Variants in GNB5 observed in about 807,000 individuals in gnomAD.
GNB5 encodes guanine nucleotide-binding protein subunit beta-5.
In GNB5, 37 loss-of-function variants were observed where a neutral mutation model predicts 55.3. The ratio of observed to expected loss-of-function variants is 0.67; its 90% confidence interval spans 0.51 to 0.88. The LOEUF (loss-of-function observed/expected upper bound fraction) is 0.88, where lower values mean the gene tolerates loss of function less well. Ranked by LOEUF, GNB5 falls within the 40% of genes least tolerant of loss-of-function variation. The pLI is 0.00. For synonymous variants in GNB5, 219 were observed against 198.5 expected (o/e 1.10, Z -0.87); for missense variants, 476 against 515.3 (o/e 0.92, Z 0.74).
chr15:52,179,098 G>A (rs1376491808), intron 3 of GNB5, among the ~76,000 whole-genome samples: 1 of 152,190 alleles, frequency 6.6e-6, no homozygotes, highest in Non-Finnish European at 1.5e-5. Context: ...GGTGGTGGTG[G>A]TGAAGAATGC....
Position 52,117,767 on chromosome 15 carries a change from C to T in GNB5, c.*4990G>A, listed in dbSNP as rs2033174803. On this transcript the variant is annotated 3_prime_UTR_variant, in exon 13 of 13. Coordinates refer to ENST00000261837, the MANE Select transcript of GNB5 (RefSeq NM_016194.4). Reference sequence around the variant, plus strand: ...AGGATCCACAGAGACAAGATTCACTCGCGGCCTCCCCAGTGGGCCTCCGGC... The same window carrying T: ...AGGATCCACAGAGACAAGATTCACTTGCGGCCTCCCCAGTGGGCCTCCGGC... 1 of 152,388 alleles carries T rather than the reference C, an allele frequency of 6.6e-6. No individual in the cohort carries two copies. The highest frequency in any genetic ancestry group is 6.5e-5 in the Admixed American group (1 of 15,292). The allele number at this position is 152,388 out of a possible 1,614,324, so 9.4% of individuals were successfully genotyped here. A position where few individuals can be genotyped will look rare whatever the true frequency, so the allele number is the denominator to read the frequency against.
intron 1 of GNB5, among the ~76,000 whole-genome samples, chr15:52,190,859 G>C (rs2034916490): frequency 7.0e-6 from 1 of 141,878 alleles, no homozygotes; most frequent in Non-Finnish European, 1.5e-5. Flanking sequence ...GCCTAAACTT[G>C]AAAGACCCAA....
At position 52,191,287 on chromosome 15, in the gene GNB5, T is replaced by G. The variant is rs1367924961; in HGVS notation, c.-19+35A>C. On this transcript the variant is annotated intron_variant, in intron 1 of 12. Transcript: ENST00000261837. ...ATGCTTTTCTGAGCATTTCAAAAGC[T>G]GGAGTATTTTAACCGAATGTCAGCA... is the stretch of plus-strand genomic sequence containing the variant. 3 of 152,386 alleles carry G rather than the reference T, an allele frequency of 2.0e-5. No individual in the cohort carries two copies. In the East Asian group the frequency reaches 5.8e-4, roughly 29 times the overall value. The allele number at this position is 152,386 out of a possible 1,614,324, so 9.4% of individuals were successfully genotyped here. A position where few individuals can be genotyped will look rare whatever the true frequency, so the allele number is the denominator to read the frequency against.
At chr15:52,164,660 A>G (rs1391155599) in intron 3 of GNB5, among the ~76,000 whole-genome samples, 2 of 152,164 alleles carry the variant, frequency 1.3e-5, no homozygotes, top group Admixed American at 1.3e-4. Flanking sequence ...TAAAATAGAA[A>G]GAAAGCAACA....
chr15:52,157,081 G>A (rs1242676485), intron 3 of GNB5, among the ~76,000 whole-genome samples: 2 of 148,452 alleles, frequency 1.3e-5, no homozygotes, highest in African/African-American at 2.5e-5. Flanking sequence ...GACTACAGGC[G>A]CCCGCCACCA....
chr15:52,160,031 T>A (rs990121787), intron 3 of GNB5, among the ~76,000 whole-genome samples: 7 of 151,790 alleles, frequency 4.6e-5, no homozygotes, highest in African/African-American at 1.7e-4. Context: ...CACTGTAACC[T>A]CTGCCTCCTG....
chr15:52,168,164 GAGAA>G (rs1169087193), intron 3 of GNB5, among the ~76,000 whole-genome samples: 1 of 152,218 alleles, frequency 6.6e-6, no homozygotes, highest in African/African-American at 2.4e-5. Flanking sequence ...AATCAGGCAA[GAGAA>G]AGAAACAAAC....
chr15:52,146,193 G>A (rs180972103), intron 6 of GNB5, among the ~76,000 whole-genome samples: 158 of 152,140 alleles, frequency 1.0e-3, no homozygotes, highest in Admixed American at 8.9e-3. Context: ...TCCTGACCTC[G>A]TGATCTGCCA....
At chr15:52,184,389 A>C (rs1324220009) in intron 2 of GNB5, among the ~76,000 whole-genome samples, 162 bp downstream of exon 2, 1 of 152,226 alleles carries the variant, frequency 6.6e-6, no homozygotes, top group Non-Finnish European at 1.5e-5. Context: ...GTCAGACACC[A>C]GAGTCCACAC....
At chr15:52,134,798 G>A (rs1254565637) in intron 8 of GNB5, among the ~76,000 whole-genome samples, 1 of 152,084 alleles carries the variant, frequency 6.6e-6, no homozygotes, top group Non-Finnish European at 1.5e-5. Context: ...TCCTGACGGA[G>A]GTGAGACAGG....
In GNB5 at chr15:52,188,479, T is replaced by C. The variant is rs78078254; in HGVS notation, c.-19+2843A>G. On this transcript the variant is annotated intron_variant, in intron 1 of 12. Coordinates refer to ENST00000261837, the MANE Select transcript of GNB5 (RefSeq NM_016194.4). ...CTGAGGTCATACTGTTCATGTATAC[T>C]GATTACATTTCTGTATCTTGATGTT... Among the ~76,000 whole-genome samples, 371 of 152,376 alleles carry C rather than the reference T, an allele frequency of 2.4e-3. 2 individuals carry two copies. The highest frequency in any genetic ancestry group is 8.7e-3 in the African/African-American group (364 of 41,602).
chr15:52,155,839 A>G (rs12902522), intron 3 of GNB5, among the ~76,000 whole-genome samples: 25,120 of 152,126 alleles, frequency 0.17, 2,472 homozygotes, highest in Admixed American at 0.3. Flanking sequence ...GGTTAAGGGG[A>G]CACCTGCCAG....
At chr15:52,185,062 C>T (rs985942567) in intron 1 of GNB5, among the ~76,000 whole-genome samples, 3 of 152,264 alleles carry the variant, frequency 2.0e-5, no homozygotes, top group Admixed American at 6.5e-5. Flanking sequence ...ACATTCCTCC[C>T]CTCAGGGTGA....
intron 12 of GNB5, among the ~76,000 whole-genome samples, chr15:52,123,981 T>C: frequency 7.7e-6 from 1 of 130,564 alleles, no homozygotes. Flanking sequence ...GGGCTTCATT[T>C]CCAAGATTAA....
intron 6 of GNB5, chr15:52,147,184 TA>T: frequency 2.1e-5 from 5 of 232,876 alleles, no homozygotes; most frequent in Admixed American, 5.3e-5. Context: ...TTTTTTTTTT[TA>T]AAGAGATGGG....
At position 52,118,344 on chromosome 15, in the gene GNB5, CATA is replaced by C. The variant is rs2033184788; in HGVS notation, c.*4410_*4412del. Reference sequence around the variant, plus strand: ...GGGTCCTCACGGTCAAAACTATTTTCATAATAATATTGACACTTTTTTTTTTTG... The same window carrying C: ...GGGTCCTCACGGTCAAAACTATTTTCATAATATTGACACTTTTTTTTTTTG... On this transcript the variant is annotated 3_prime_UTR_variant, in exon 13 of 13. Coordinates refer to ENST00000261837, the MANE Select transcript of GNB5 (RefSeq NM_016194.4). 1 of 150,878 alleles carries C rather than the reference CATA, an allele frequency of 6.6e-6. No homozygotes were observed. Among genetic ancestry groups the C allele is most frequent in the South Asian group, 2.1e-4 (1 of 4,746 alleles). The allele number at this position is 150,878 out of a possible 1,614,324, so 9.3% of individuals were successfully genotyped here. A position where few individuals can be genotyped will look rare whatever the true frequency, so the allele number is the denominator to read the frequency against.
intron 9 of GNB5, among the ~76,000 whole-genome samples, chr15:52,129,334 A>G (rs1027574908): frequency 6.6e-6 from 1 of 152,130 alleles, no homozygotes; most frequent in Non-Finnish European, 1.5e-5. Flanking sequence ...TTAAAACATT[A>G]TTTATTCCTC....
chr15:52,189,369 G>A (rs115692785), intron 1 of GNB5, among the ~76,000 whole-genome samples: 3,493 of 152,146 alleles, frequency 0.023, 136 homozygotes, highest in African/African-American at 0.08. Context: ...AGGCCCAGGC[G>A]GGTAGATCAC....
intron 3 of GNB5, among the ~76,000 whole-genome samples, chr15:52,170,508 C>A (rs2034535984): frequency 6.6e-6 from 1 of 152,066 alleles, no homozygotes; most frequent in African/African-American, 2.4e-5. Flanking sequence ...ACGATGAGAA[C>A]AAATGGACAC....
Sources: allele counts gnomAD v4.1 joint callset (sites outside exome capture counted in the v4.1 genomes callset), GRCh38; gene constraint gnomAD v4.1.1; transcripts MANE v1.5; gene names NCBI Gene and HGNC (gene_info 2026-07-23, HGNC 2026-07-21).